Variants in CCDC138 observed in about 807,000 individuals in gnomAD.
CCDC138 encodes the protein coiled-coil domain containing 138, also known as coiled-coil domain-containing protein 138.
In CCDC138, 66 loss-of-function variants were observed where a neutral mutation model predicts 82.3. That is an observed-to-expected ratio of 0.80 (90% CI 0.66 to 0.98). The LOEUF (loss-of-function observed/expected upper bound fraction) is 0.98. Among genes scored for constraint, CCDC138 ranks in the 50% least tolerant of loss-of-function variants. The pLI is 0.00. For missense variants in CCDC138, 816 were observed against 758.9 expected, an observed-to-expected ratio of 1.08 and a Z score of -0.88; for synonymous variants, 297 against 265.4, an observed-to-expected ratio of 1.12 and a Z score of -1.16.
At chr2:108,871,570 C>T (rs1233682528) in intron 13 of CCDC138, among the ~76,000 whole-genome samples, 1 of 151,600 alleles carries the variant, frequency 6.6e-6, no homozygotes, top group Admixed American at 6.6e-5. Flanking sequence ...ATAAAAGTTC[C>T]TTCTGTTAAA....
intron 12 of CCDC138, among the ~76,000 whole-genome samples, chr2:108,851,133 A>C (rs1691410000): frequency 6.6e-6 from 1 of 152,094 alleles, no homozygotes; most frequent in Non-Finnish European, 1.5e-5. Context: ...GTTTATTATA[A>C]AGGATATTGC....
At chr2:108,822,279 C>T (rs184479736) in intron 10 of CCDC138, among the ~76,000 whole-genome samples, 2 of 152,122 alleles carry the variant, frequency 1.3e-5, no homozygotes, top group African/African-American at 4.8e-5. Context: ...TATTTATGCC[C>T]TGAAACATCA....
Position 108,808,256 on chromosome 2 carries a change from C to T in CCDC138, c.855+3248C>T, listed in dbSNP as rs575815034. ...ACATTTTCTTCATAAATTTATCTAT[C>T]GATGGACACATAGGTTGGCTACTTT... is the stretch of plus-strand genomic sequence containing the variant. On this transcript the variant is annotated intron_variant, in intron 7 of 14. Transcript: ENST00000295124. 8.5e-5 allele frequency among the ~76,000 whole-genome samples: 13 copies of T among 152,150 alleles called. No homozygotes were observed. The East Asian group carries it at 1.2e-3, about 14-fold the overall frequency.
intron 4 of CCDC138, among the ~76,000 whole-genome samples, chr2:108,794,128 T>C (rs1680445652): frequency 6.6e-6 from 1 of 152,180 alleles, no homozygotes; most frequent in African/African-American, 2.4e-5. Context: ...GCAAGGACTT[T>C]TAAGATTAAG....
chr2:108,839,286 A>G lies in CCDC138; in HGVS notation c.1308A>G (p.Leu436=), dbSNP rs760093051. The change falls in exon 11 of 15, where the codon CTA becomes CTG. Residue 436 remains leucine, a synonymous_variant. Coordinates refer to ENST00000295124, the MANE Select transcript of CCDC138 (RefSeq NM_144978.3). ...TTATATATTGGTCCCTAAGGCAGCT[A>G]GATGCTGGAGCACAGGTAATTGGTT... The part of the protein sequence containing the change: ...VKFIYWSLRQ[L]DAGAQHSTMT... 3 of 1,611,506 alleles carry G rather than the reference A, an allele frequency of 1.9e-6. No homozygotes were observed. Among genetic ancestry groups the G allele is most frequent in the African/African-American group, 1.3e-5 (1 of 74,972 alleles).
intron 10 of CCDC138, among the ~76,000 whole-genome samples, chr2:108,820,996 A>G (rs1442690940): frequency 7.4e-5 from 10 of 134,236 alleles, no homozygotes. Flanking sequence ...ATTCTTGCAT[A>G]GAATGTAACA....
intron 11 of CCDC138, 132 bp from the exon 12 acceptor site, chr2:108,846,606 G>A (rs1276311321): frequency 4.4e-6 from 3 of 685,302 alleles, no homozygotes; most frequent in Admixed American, 3.2e-5. Flanking sequence ...GAGCCCAGGA[G>A]TTTGAGGCTG....
intron 1 of CCDC138, among the ~76,000 whole-genome samples, chr2:108,881,985 A>G (rs1228675017): frequency 6.6e-6 from 1 of 152,076 alleles, no homozygotes; most frequent in Non-Finnish European, 1.5e-5. Context: ...TTCTACAAAA[A>G]GAGCAAAAAC....
rs1293424555 is a variant in CCDC138, at chr2:108,853,813, A to G, written c.1517-2981A>G. 2.8e-5 allele frequency among the ~76,000 whole-genome samples: 4 copies of G among 140,694 alleles called. No individual in the cohort carries two copies. In the East Asian group the frequency reaches 7.9e-4, roughly 28 times the overall value. The allele number at this position is 140,694 out of a possible 152,430, so 92.3% of individuals were successfully genotyped here. The stretch of plus-strand genomic sequence containing the variant: ...AGCAGTGGAGTTACAGGCACCAGCC[A>G]TCCCCAGCCAACTGTCTTCTATATG... On this transcript the variant is annotated intron_variant, in intron 12 of 14. Coordinates refer to ENST00000295124, the MANE Select transcript of CCDC138 (RefSeq NM_144978.3).
intron 2 of CCDC138, among the ~76,000 whole-genome samples, chr2:108,788,291 G>A (rs1679264287): frequency 6.6e-6 from 1 of 151,992 alleles, no homozygotes; most frequent in Non-Finnish European, 1.5e-5. Context: ...ATGGTGGCGG[G>A]CGCCTGTAAT....
chr2:108,821,928 C>CA (rs61088256), intron 10 of CCDC138, among the ~76,000 whole-genome samples: 94,839 of 130,746 alleles, frequency 0.73, 33,400 homozygotes, highest in East Asian at 0.89. Flanking sequence ...AACTTTGTCT[C>CA]AAAAAAAAAA....
chr2:108,816,886 C>T (rs1453059418), intron 10 of CCDC138, among the ~76,000 whole-genome samples: 1 of 152,122 alleles, frequency 6.6e-6, no homozygotes, highest in African/African-American at 2.4e-5. Context: ...TTGTAGAGAT[C>T]AGACCTGGCT....
intron 9 of CCDC138, among the ~76,000 whole-genome samples, chr2:108,815,227 G>T (rs1684557879): frequency 6.6e-6 from 1 of 152,036 alleles, no homozygotes; most frequent in Admixed American, 6.6e-5. Flanking sequence ...AAATTCTTTA[G>T]CTCTGGAAAC....
chr2:108,868,066 A>T (rs897156450), intron 13 of CCDC138, among the ~76,000 whole-genome samples: 2 of 152,220 alleles, frequency 1.3e-5, no homozygotes, highest in Non-Finnish European at 2.9e-5. Flanking sequence ...TAACATGTGG[A>T]CATAATCATT....
At chr2:108,818,178 C>T (rs139491612) in intron 10 of CCDC138, among the ~76,000 whole-genome samples, 21 of 152,164 alleles carry the variant, frequency 1.4e-4, no homozygotes, top group African/African-American at 3.1e-4. Flanking sequence ...TGGTGGCACG[C>T]GCCTATAACC....
intron 3 of CCDC138, 134 bp downstream of exon 3, chr2:108,789,100 T>A: frequency 1.4e-6 from 1 of 699,964 alleles, no homozygotes. Flanking sequence ...GTCTGGAGCC[T>A]GCTAAATAGT....
At chr2:108,790,224 G>A (rs751369667) in intron 3 of CCDC138, among the ~76,000 whole-genome samples, 20 of 152,104 alleles carry the variant, frequency 1.3e-4, no homozygotes, top group East Asian at 3.8e-4. Context: ...CATGAGCTAC[G>A]TTGAATGTAG....
rs200378459 is a variant in CCDC138, at chr2:108,794,092, CATATAAA to C, written c.395-439_395-433del. 5.0e-3 allele frequency among the ~76,000 whole-genome samples: 756 copies of C among 152,072 alleles called. 3 individuals are homozygous for C. The highest frequency in any genetic ancestry group is 0.021 in the South Asian group (101 of 4,812). Reference sequence around the variant, plus strand: ...TATAGAAATTATGTTAATATAATTACATATAAAATATAAAAGGCAAAACAAGCAAGGA... The same window carrying C: ...TATAGAAATTATGTTAATATAATTACATATAAAAGGCAAAACAAGCAAGGA... On this transcript the variant is annotated intron_variant, in intron 4 of 14. Transcript: ENST00000295124.
At chr2:108,869,872 G>T (rs1238676342) in intron 13 of CCDC138, among the ~76,000 whole-genome samples, 1 of 151,942 alleles carries the variant, frequency 6.6e-6, no homozygotes, top group African/African-American at 2.4e-5. Flanking sequence ...CAGATTTTCA[G>T]CAAAAAAAAT....
Sources: allele counts gnomAD v4.1 joint callset (sites outside exome capture counted in the v4.1 genomes callset), GRCh38; gene constraint gnomAD v4.1.1; transcripts MANE v1.5; gene names NCBI Gene and HGNC (gene_info 2026-07-23, HGNC 2026-07-21).